Variants in WDFY3 observed in about 807,000 individuals in gnomAD.
WDFY3 encodes WD repeat and FYVE domain containing 3.
Under a neutral mutation model 409.6 loss-of-function variants are expected in WDFY3, and 66 were observed. The observed-to-expected ratio is 0.16, with a 90% CI of 0.13 to 0.20. The LOEUF is 0.20. WDFY3 is among the 10% of genes least tolerant of loss of function. WDFY3 has a pLI of 1.00. For synonymous variants in WDFY3, 1,521 were observed against 1,537.1 expected, an observed-to-expected ratio of 0.99 and a Z score of 0.25; for missense variants, 3,031 against 4,298.1, an observed-to-expected ratio of 0.71 and a Z score of 8.24.
chr4:84,701,386 A>G (rs535918221), intron 56 of WDFY3, among the ~76,000 whole-genome samples: 4 of 152,322 alleles, frequency 2.6e-5, no homozygotes, highest in African/African-American at 9.6e-5. Flanking sequence ...ATACATAAAA[A>G]TTATCTTTAG....
chr4:84,753,447 G>A (rs1560669055), intron 35 of WDFY3, among the ~76,000 whole-genome samples: 1 of 152,080 alleles, frequency 6.6e-6, no homozygotes, highest in Non-Finnish European at 1.5e-5. Context: ...ACTAACAAGG[G>A]ACTTACAAGA....
At chr4:84,909,925 T>C (rs527679932) in intron 2 of WDFY3, among the ~76,000 whole-genome samples, 35 of 152,192 alleles carry the variant, frequency 2.3e-4, no homozygotes, top group Non-Finnish European at 4.1e-4. Context: ...GTATTCATAA[T>C]AAATTTAATA....
chr4:84,951,096 A>T (rs946660369), intron 1 of WDFY3, among the ~76,000 whole-genome samples: 3 of 152,074 alleles, frequency 2.0e-5, no homozygotes, highest in African/African-American at 7.2e-5. Flanking sequence ...GCAATTATTT[A>T]CCTCTATTCT....
At chr4:84,895,978 C>T (rs1765573747) in intron 3 of WDFY3, among the ~76,000 whole-genome samples, 1 of 152,096 alleles carries the variant, frequency 6.6e-6, no homozygotes, top group Non-Finnish European at 1.5e-5. Context: ...ATGAAAGAGG[C>T]TGGGCGCAGT....
chr4:84,798,115 AAG>A lies in WDFY3; in HGVS notation c.2823-9_2823-8del. On this transcript the variant is annotated splice_region_variant and splice_polypyrimidine_tract_variant and intron_variant, in intron 17 of 67. Coordinates refer to ENST00000295888, the MANE Select transcript of WDFY3 (RefSeq NM_014991.6). ...TGCCAAACGTAAAAACTCCCTAAGAAAGAGACAAAGCAAAGTTATTCCTTGAT... is the reference window on the plus strand; with the variant it reads ...TGCCAAACGTAAAAACTCCCTAAGAAAGACAAAGCAAAGTTATTCCTTGAT... 6.2e-7 allele frequency: 1 copy of A among 1,600,828 alleles called. No homozygotes were observed. The highest frequency in any genetic ancestry group is 8.5e-7 in the Non-Finnish European group (1 of 1,173,140).
chr4:84,705,267 G>A (rs929870338), intron 54 of WDFY3, 127 bp downstream of exon 54: 21 of 715,410 alleles, frequency 2.9e-5, no homozygotes, highest in Non-Finnish European at 5.0e-5. Context: ...TATATGTGTG[G>A]ACATATAATA....
At chr4:84,771,746 C>T (rs942413940) in intron 30 of WDFY3, among the ~76,000 whole-genome samples, 3 of 152,248 alleles carry the variant, frequency 2.0e-5, no homozygotes, top group Middle Eastern at 3.4e-3. Flanking sequence ...TTATATAGAG[C>T]ACTTAGTAAG....
intron 5 of WDFY3, among the ~76,000 whole-genome samples, chr4:84,848,318 C>G (rs1185662307): frequency 1.3e-5 from 2 of 151,690 alleles, no homozygotes; most frequent in African/African-American, 4.8e-5. Flanking sequence ...TTCGATTTCT[C>G]AATAACAATG....
At position 84,787,592 on chromosome 4, in the gene WDFY3, C is replaced by A; in HGVS notation, c.3791G>T (p.Arg1264Leu). ...TTCTAGAAAATGTGTGGGTCCCAGGCGCCAAACCAATGAGGCAATTTGGCG... is the reference window on the plus strand; with the variant it reads ...TTCTAGAAAATGTGTGGGTCCCAGGAGCCAAACCAATGAGGCAATTTGGCG... ...AQRQIASLVW[R>L]LGPTHFLEEV... Residue 1264 changes from arginine to leucine, a missense_variant, in exon 23 of 68, where the codon CGC becomes CTC. Transcript: ENST00000295888. The A allele has an allele frequency of 6.2e-7, 1 of 1,614,102 alleles. No homozygotes were observed. Among genetic ancestry groups the A allele is most frequent in the Admixed American group, 1.7e-5 (1 of 60,016 alleles).
rs765008246 is a variant in WDFY3 at position 84,831,396 on chromosome 4, T to C, written c.769+17A>G. On this transcript the variant is annotated intron_variant, in intron 8 of 67. Transcript: ENST00000295888. ...GGAAGAAATTTAGAACACTTAAATA[T>C]ATAAAGAGATATTCACCATGAATAT... 6 of 1,536,846 alleles carry C rather than the reference T, an allele frequency of 3.9e-6. No homozygotes were observed. Among genetic ancestry groups the C allele is most frequent in the South Asian group, 3.9e-5 (3 of 77,348 alleles).
chr4:84,835,029 C>A (rs1756372434), intron 7 of WDFY3, among the ~76,000 whole-genome samples: 1 of 152,136 alleles, frequency 6.6e-6, no homozygotes, highest in Admixed American at 6.5e-5. Flanking sequence ...GGATCATAAA[C>A]CGGAATATTA....
At chr4:84,831,275 T>C (rs1578723216) in intron 8 of WDFY3, 138 bp downstream of exon 8, 1 of 667,316 alleles carries the variant, frequency 1.5e-6, no homozygotes, top group East Asian at 3.4e-5. Flanking sequence ...AAAAAAAATA[T>C]TTTCTTTTCT....
intron 2 of WDFY3, among the ~76,000 whole-genome samples, chr4:84,923,915 G>T (rs567527964): frequency 1.3e-5 from 2 of 152,154 alleles, no homozygotes; most frequent in African/African-American, 4.8e-5. Context: ...TGGGAGAATC[G>T]ATAGAGCCCA....
intron 53 of WDFY3, among the ~76,000 whole-genome samples, chr4:84,707,922 G>C (rs1380873636): frequency 1.3e-5 from 2 of 152,146 alleles, no homozygotes; most frequent in South Asian, 2.1e-4. Context: ...TCTGAGGATA[G>C]TTTTATCTTT....
chr4:84,965,554 G>A (rs933617088), intron 1 of WDFY3: 1 of 152,190 alleles, frequency 6.6e-6, no homozygotes, highest in African/African-American at 2.4e-5. Context: ...TGGTTGGAAA[G>A]GTCTCATCTG....
intron 29 of WDFY3, 81 bp downstream of exon 29, chr4:84,774,739 C>T: frequency 2.8e-6 from 4 of 1,430,154 alleles, no homozygotes; most frequent in Non-Finnish European, 3.8e-6. Flanking sequence ...TCATAAAAAC[C>T]AATTAAATTC....
chr4:84,725,201 C>G (rs1735472961), intron 45 of WDFY3, among the ~76,000 whole-genome samples: 2 of 152,208 alleles, frequency 1.3e-5, no homozygotes, highest in Admixed American at 6.5e-5. Flanking sequence ...AGGTGACACT[C>G]TGGTTAGCTT....
chr4:84,784,919 CAT>C (rs144343349), intron 24 of WDFY3, among the ~76,000 whole-genome samples: 3,863 of 138,586 alleles, frequency 0.028, 84 homozygotes, highest in Middle Eastern at 0.041. Flanking sequence ...CACACACACA[CAT>C]ACACACCTTG....
In WDFY3 at chr4:84,909,036, ACACACACACACG is replaced by A. The variant is rs773117905; in HGVS notation, c.-131-12038_-131-12027del. ...TTCCTACGCACGTATCCATACACAC[ACACACACACACG>A]CACACACACACAAAAATATTTACTG... On this transcript the variant is annotated intron_variant, in intron 2 of 67. Coordinates refer to ENST00000295888, the MANE Select transcript of WDFY3 (RefSeq NM_014991.6). 1.0e-3 allele frequency among the ~76,000 whole-genome samples: 155 copies of A among 150,846 alleles called. No individual in the cohort carries two copies. The Middle Eastern group carries it at 0.014, about 13-fold the overall frequency.
Sources: gnomAD v4.1 joint callset for allele counts (sites outside exome capture counted in the v4.1 genomes callset) on GRCh38, gnomAD v4.1.1 for gene constraint, MANE v1.5 for transcripts, NCBI Gene and HGNC (gene_info 2026-07-23, HGNC 2026-07-21) for gene names.